The following P4HA3 variants were observed in gnomAD, a reference collection of about 807,000 sequenced individuals.
The protein encoded by P4HA3 is prolyl 4-hydroxylase subunit alpha 3.
A neutral mutation model predicts 66.7 loss-of-function variants in P4HA3; 60 were observed. The observed-to-expected ratio is 0.90, with a 90% confidence interval of 0.73 to 1.12. The LOEUF (loss-of-function observed/expected upper bound fraction) is 1.12, where lower values mean the gene tolerates loss of function less well. Among genes scored for constraint, P4HA3 ranks in the 50% most tolerant of loss-of-function variants. The probability of loss-of-function intolerance (pLI) is 0.00; values close to 1 mark genes in which losing one functional copy is unlikely to be tolerated. For synonymous variants in P4HA3, 263 were observed against 274.6 expected, an observed-to-expected ratio of 0.96 and a Z score of 0.42; for missense variants, 683 against 685.8, an observed-to-expected ratio of 1.00 and a Z score of 0.05.
intron 15 of P4HA3, among the ~76,000 whole-genome samples, chr11:74,252,252 T>G (rs1191860412): frequency 4.1e-5 from 5 of 121,988 alleles, no homozygotes; most frequent in African/African-American, 1.7e-4. Context: ...TTTTTTTTTG[T>G]TTTTTTTTTT....
intron 10 of P4HA3, among the ~76,000 whole-genome samples, chr11:74,270,081 A>G (rs555738101): frequency 1.3e-5 from 2 of 152,298 alleles, no homozygotes; most frequent in African/African-American, 4.8e-5. Flanking sequence ...ACACAGACAC[A>G]TACACACACA....
intron 4 of P4HA3, among the ~76,000 whole-genome samples, chr11:74,292,277 G>T (rs1265632609): frequency 6.6e-6 from 1 of 152,070 alleles, no homozygotes; most frequent in Non-Finnish European, 1.5e-5. Context: ...TATTTCTGTG[G>T]GATCGGTGGT....
intron 10 of P4HA3, among the ~76,000 whole-genome samples, chr11:74,272,184 A>G (rs78563372): frequency 0.04 from 6,027 of 150,894 alleles, 126 homozygotes; most frequent in Middle Eastern, 0.11. Flanking sequence ...GCATGCACAC[A>G]CATGTGAAAG....
At chr11:74,288,293 C>T (rs1417237365) in intron 5 of P4HA3, among the ~76,000 whole-genome samples, 7 of 152,150 alleles carry the variant, frequency 4.6e-5, no homozygotes. Context: ...AGGATGCATG[C>T]ATCACAGAGT....
intron 3 of P4HA3, among the ~76,000 whole-genome samples, chr11:74,300,325 G>C (rs1861366278): frequency 6.6e-6 from 1 of 152,184 alleles, no homozygotes; most frequent in South Asian, 2.1e-4. Flanking sequence ...GATGGAATTA[G>C]ACAATTAAGA....
At chr11:74,255,354 C>T (rs1859808221) in intron 15 of P4HA3, among the ~76,000 whole-genome samples, 1 of 152,200 alleles carries the variant, frequency 6.6e-6, no homozygotes, top group Non-Finnish European at 1.5e-5. Context: ...TAGGCCTCAT[C>T]ATCTCTCACT....
intron 4 of P4HA3, among the ~76,000 whole-genome samples, chr11:74,293,416 T>C (rs1227479182): frequency 6.6e-6 from 1 of 152,240 alleles, no homozygotes; most frequent in African/African-American, 2.4e-5. Context: ...CCAGTCTGTG[T>C]CTTTTAATTG....
chr11:74,264,407 G>A (rs573923899), downstream of P4HA3, among the ~76,000 whole-genome samples: 1 of 152,234 alleles, frequency 6.6e-6, no homozygotes, highest in Admixed American at 6.5e-5. Context: ...TCAGCCTCTA[G>A]GGACCCTGCT....
chr11:74,279,889 CA>C (rs1860531974), intron 7 of P4HA3, among the ~76,000 whole-genome samples: 2 of 152,302 alleles, frequency 1.3e-5, no homozygotes, highest in East Asian at 3.9e-4. Context: ...CCTCCAGCAA[CA>C]GGAAACTCTC....
chr11:74,251,888 G>A lies in P4HA3; in HGVS notation c.*1319-3887C>T, dbSNP rs371166440. 1.1e-4 allele frequency: 95 copies of A among 904,220 alleles called. No individual in the cohort carries two copies. In the African/African-American group the frequency reaches 1.3e-3, roughly 13 times the overall value. 56.0% of individuals were successfully genotyped at this position (904,220 alleles called of 1,614,324 possible). On this transcript the variant is annotated intron_variant and NMD_transcript_variant, in intron 15 of 15. Coordinates refer to the P4HA3 transcript ENST00000524388. ...TGTCTGTTTCTACAAAGCCATGGTT[G>A]GTTGTTTCTTTGTGCTGTGCTCCCA...
intron 1 of P4HA3, among the ~76,000 whole-genome samples, chr11:74,306,149 A>G (rs976133415): frequency 6.6e-6 from 1 of 152,156 alleles, no homozygotes; most frequent in Non-Finnish European, 1.5e-5. Context: ...GGTTCAAGGA[A>G]GGAGTTTAGG....
chr11:74,301,794 T>A (rs559806825), intron 3 of P4HA3, among the ~76,000 whole-genome samples: 12 of 152,310 alleles, frequency 7.9e-5, no homozygotes, highest in African/African-American at 2.9e-4. Context: ...TCAAGTAATG[T>A]TAAAGTGAAT....
intron 15 of P4HA3, chr11:74,253,626 CCGGTAGA>C: frequency 8.5e-7 from 1 of 1,183,004 alleles, no homozygotes; most frequent in Non-Finnish European, 1.3e-6. Context: ...ACACTGGCTC[CCGGTAGA>C]CGGGCACCCC....
intron 3 of P4HA3, among the ~76,000 whole-genome samples, chr11:74,300,823 T>C (rs1861384840): frequency 1.3e-5 from 2 of 152,142 alleles, no homozygotes; most frequent in African/African-American, 4.8e-5. Context: ...TAAAAGGATG[T>C]TAATAGAAGC....
chr11:74,286,434 A>C, intron 5 of P4HA3, 43 bp from the exon 6 acceptor site: 3 of 1,480,244 alleles, frequency 2.0e-6, no homozygotes, highest in Non-Finnish European at 2.7e-6. Context: ...GGGATTAACA[A>C]ATACTGGCCC....
At chr11:74,263,729 G>A (rs559691370), downstream of P4HA3, among the ~76,000 whole-genome samples, 4 of 152,128 alleles carry the variant, frequency 2.6e-5, no homozygotes, top group Admixed American at 6.5e-5. Context: ...TTAATGTAAA[G>A]AATATTATCT....
intron 3 of P4HA3, among the ~76,000 whole-genome samples, chr11:74,299,753 G>A (rs1861346032): frequency 6.6e-6 from 1 of 151,814 alleles, no homozygotes; most frequent in South Asian, 2.1e-4. Flanking sequence ...ATGAGCAGAT[G>A]CTGATGTTCC....
At chr11:74,289,318 C>T (rs972391059) in intron 4 of P4HA3, among the ~76,000 whole-genome samples, 188 bp from the exon 5 acceptor site, 1 of 152,040 alleles carries the variant, frequency 6.6e-6, no homozygotes, top group Non-Finnish European at 1.5e-5. Flanking sequence ...TCAGGTCTCA[C>T]CAGTCTCCTC....
intron 15 of P4HA3, among the ~76,000 whole-genome samples, chr11:74,256,574 G>T (rs1466627087): frequency 6.6e-6 from 1 of 152,110 alleles, no homozygotes. Flanking sequence ...TGGCTTTAAC[G>T]AGCACCTACT....
Sources: allele counts gnomAD v4.1 joint callset (sites outside exome capture counted in the v4.1 genomes callset), GRCh38; gene constraint gnomAD v4.1.1; transcripts MANE v1.5; gene names NCBI Gene and HGNC (gene_info 2026-07-23, HGNC 2026-07-21).